The following SLC8A1 variants were observed in gnomAD, a reference collection of about 807,000 sequenced individuals.
SLC8A1 encodes the protein sodium/calcium exchanger 1.
In SLC8A1, 18 loss-of-function variants were observed where a neutral mutation model predicts 68.3. The ratio of observed to expected loss-of-function variants is 0.26; its 90% confidence interval spans 0.18 to 0.39. The LOEUF is 0.39. SLC8A1 is among the 10% of genes least tolerant of loss of function. SLC8A1 has a pLI of 1.00. For synonymous variants in SLC8A1, 475 were observed against 415.5 expected, an observed-to-expected ratio of 1.14 and a Z score of -1.74; for missense variants, 985 against 1,156.7, an observed-to-expected ratio of 0.85 and a Z score of 2.15.
In SLC8A1 at chr2:40,200,216, ATATTTTTTT is replaced by A. The variant is rs1558722032; in HGVS notation, c.1809-22370_1809-22362del. 6.0e-3 allele frequency among the ~76,000 whole-genome samples: 47 copies of A among 7,776 alleles called. 5 individuals carry two copies. Among genetic ancestry groups the A allele is most frequent in the Admixed American group, 0.019 (8 of 414 alleles). The allele number at this position is 7,776 out of a possible 152,430, so 5.1% of individuals were successfully genotyped here. On this transcript the variant is annotated intron_variant, in intron 2 of 7. Transcript: ENST00000406785. ...TTTATATATATATATAAATATATAT[ATATTTTTTT>A]ATATATATATATAAATATATATATA...
chr2:40,116,393 A>G (rs1208933826), intron 7 of SLC8A1, among the ~76,000 whole-genome samples: 4 of 152,148 alleles, frequency 2.6e-5, no homozygotes, highest in Admixed American at 2.0e-4. Flanking sequence ...TACATGTGCC[A>G]TGCTGGTGTG....
intron 2 of SLC8A1, among the ~76,000 whole-genome samples, chr2:40,311,483 T>A (rs1050510953): frequency 1.3e-5 from 2 of 152,150 alleles, no homozygotes; most frequent in Non-Finnish European, 2.9e-5. Flanking sequence ...GTATGATGTA[T>A]GTCTACTGAA....
At chr2:40,143,191 G>C (rs140031285) in intron 6 of SLC8A1, among the ~76,000 whole-genome samples, 24 of 152,256 alleles carry the variant, frequency 1.6e-4, no homozygotes, top group Admixed American at 4.6e-4. Context: ...ACCACGGACT[G>C]CCATGCATGA....
intron 7 of SLC8A1, among the ~76,000 whole-genome samples, chr2:40,121,757 C>T (rs1369910698): frequency 6.6e-6 from 1 of 152,140 alleles, no homozygotes; most frequent in African/African-American, 2.4e-5. Flanking sequence ...AGAATCCATA[C>T]ATGGTAGGGA....
At chr2:40,176,987 A>G (rs996089467) in intron 3 of SLC8A1, among the ~76,000 whole-genome samples, 1 of 152,210 alleles carries the variant, frequency 6.6e-6, no homozygotes, top group Admixed American at 6.5e-5. Context: ...AATATATGCC[A>G]TATATTAATA....
intron 2 of SLC8A1, among the ~76,000 whole-genome samples, chr2:40,394,851 A>G (rs1266269753): frequency 6.6e-6 from 1 of 152,144 alleles, no homozygotes; most frequent in Non-Finnish European, 1.5e-5. Flanking sequence ...TCATTTGTGC[A>G]AAGACTCCCA....
intron 1 of SLC8A1, among the ~76,000 whole-genome samples, chr2:40,444,676 T>TA (rs1425149031): frequency 6.6e-6 from 1 of 152,220 alleles, no homozygotes; most frequent in Non-Finnish European, 1.5e-5. Context: ...TTCTTACCTT[T>TA]TAAAATTACT....
chr2:40,428,949 G>A (rs879024198), exon 2 of SLC8A1: 3 of 1,613,652 alleles, frequency 1.9e-6, no homozygotes, highest in Non-Finnish European at 2.5e-6. Context: ...CCTCTGTTCT[G>A]AAGTCAACAA....
At chr2:40,356,322 C>T (rs1399743682) in intron 2 of SLC8A1, among the ~76,000 whole-genome samples, 1 of 152,104 alleles carries the variant, frequency 6.6e-6, no homozygotes, top group East Asian at 1.9e-4. Flanking sequence ...AGATTTATGA[C>T]TGACTGACTG....
intron 2 of SLC8A1, among the ~76,000 whole-genome samples, chr2:40,410,797 G>A (rs867403195): frequency 1.3e-5 from 2 of 151,872 alleles, no homozygotes; most frequent in African/African-American, 4.8e-5. Context: ...TATTAAAAAA[G>A]CATTTTCACA....
chr2:40,392,361 C>G (rs556025237), intron 2 of SLC8A1, among the ~76,000 whole-genome samples: 5 of 152,158 alleles, frequency 3.3e-5, no homozygotes, highest in African/African-American at 1.2e-4. Flanking sequence ...CTAGGCATTA[C>G]TCAACAGAGA....
At position 40,414,012 on chromosome 2, in the gene SLC8A1, T is replaced by C. The variant is rs530349370; in HGVS notation, c.1808+14461A>G. The stretch of plus-strand genomic sequence containing the variant: ...AATTAAAAAAGAAAATTTGTAAGAA[T>C]TATGTAAGAGAATAACCTAACATTA... On this transcript the variant is annotated intron_variant, in intron 2 of 7. Transcript: ENST00000406785. 8.4e-4 allele frequency among the ~76,000 whole-genome samples: 128 copies of C among 152,234 alleles called. 1 individual carries two copies. Among genetic ancestry groups the C allele is most frequent in the Non-Finnish European group, 1.3e-3 (91 of 68,002 alleles).
chr2:40,458,787 G>A (rs557230362), intron 1 of SLC8A1, among the ~76,000 whole-genome samples: 1 of 152,174 alleles, frequency 6.6e-6, no homozygotes, highest in Admixed American at 6.5e-5. Context: ...CTAAGTCAGA[G>A]AATCTCTTAT....
intron 1 of SLC8A1, among the ~76,000 whole-genome samples, chr2:40,501,280 C>A (rs1706045387): frequency 6.6e-6 from 1 of 151,960 alleles, no homozygotes; most frequent in African/African-American, 2.4e-5. Flanking sequence ...AGTTATATAT[C>A]AAACACCCCA....
chr2:40,345,195 G>A (rs527881162), intron 2 of SLC8A1, among the ~76,000 whole-genome samples: 5 of 152,176 alleles, frequency 3.3e-5, no homozygotes, highest in South Asian at 2.1e-4. Context: ...TTGACACTCC[G>A]TCTCCTGTGG....
chr2:40,388,643 T>C (rs1418366856), intron 2 of SLC8A1, among the ~76,000 whole-genome samples: 1 of 152,160 alleles, frequency 6.6e-6, no homozygotes, highest in Non-Finnish European at 1.5e-5. Flanking sequence ...ACAATTTTGT[T>C]GGAAATTTTC....
chr2:40,287,582 A>ATGTGTGTGTGTGTGTGTGTGTGTGTG (rs10522914), intron 2 of SLC8A1, among the ~76,000 whole-genome samples: 2,582 of 127,426 alleles, frequency 0.02, 120 homozygotes, highest in East Asian at 0.034. Flanking sequence ...CAGAGGAATG[A>ATGTGTGTGTGTGTGTGTGTGTGTGTG]TGTGTGTGTG....
At chr2:40,291,380 G>C (rs2069284879) in intron 2 of SLC8A1, among the ~76,000 whole-genome samples, 2 of 152,240 alleles carry the variant, frequency 1.3e-5, no homozygotes, top group South Asian at 4.1e-4. Context: ...AATTTAAAAA[G>C]TAAATCAATG....
intron 2 of SLC8A1, among the ~76,000 whole-genome samples, chr2:40,237,842 A>G (rs1322332916): frequency 2.6e-5 from 4 of 152,090 alleles, no homozygotes; most frequent in African/African-American, 9.7e-5. Context: ...CCTCAGCTGC[A>G]GGTCTGTTGG....
Sources: allele counts gnomAD v4.1 joint callset (sites outside exome capture counted in the v4.1 genomes callset), GRCh38; gene constraint gnomAD v4.1.1; transcripts MANE v1.5; gene names NCBI Gene and HGNC (gene_info 2026-07-23, HGNC 2026-07-21).